The following C2orf80 variants were observed in gnomAD, a reference collection of about 807,000 sequenced individuals.
The protein encoded by C2orf80 is chromosome 2 open reading frame 80.
In C2orf80, 28 loss-of-function variants were observed where a neutral mutation model predicts 30.2. The observed-to-expected ratio is 0.93, with a 90% CI of 0.69 to 1.27. The LOEUF (loss-of-function observed/expected upper bound fraction) is 1.27. Among genes scored for constraint, C2orf80 ranks in the 50% most tolerant of loss-of-function variants. The pLI, the probability that C2orf80 is intolerant of heterozygous loss-of-function variation, is 0.00. For missense variants in C2orf80, 220 were observed against 231.0 expected (o/e 0.95, Z 0.31); for synonymous variants, 80 against 76.4 (o/e 1.05, Z -0.24).
rs1696547514 is a variant in C2orf80, at chr2:208,181,227, T to C, written c.285A>G (p.Gly95=). ...REAMILSSYA[G]ILMNSIPIEE... is the part of the protein sequence containing the mutation. The stretch of plus-strand genomic sequence containing the variant: ...GTATTCTTTTCCTTACCATTAAGAT[T>C]CCAGCATAAGATGATAAAATCATAG... The change falls in exon 5 of 9, where the codon GGA becomes GGG. Residue 95 remains glycine (G), a synonymous_variant. Coordinates refer to ENST00000341287, the MANE Select transcript of C2orf80 (RefSeq NM_001099334.3). 1.9e-6 allele frequency: 3 copies of C among 1,599,206 alleles called. No homozygotes were observed. Among genetic ancestry groups the C allele is most frequent in the Non-Finnish European group, 2.6e-6 (3 of 1,166,710 alleles).
intron 6 of C2orf80, among the ~76,000 whole-genome samples, chr2:208,172,914 C>T (rs2105895578): frequency 6.6e-6 from 1 of 151,704 alleles, no homozygotes. Flanking sequence ...GTCAGGAGTT[C>T]AAGACCAGCC....
At chr2:208,180,525 C>A (rs577404124) in intron 6 of C2orf80, among the ~76,000 whole-genome samples, 3 of 151,956 alleles carry the variant, frequency 2.0e-5, no homozygotes, top group South Asian at 4.2e-4. Context: ...CCTTCTCAGC[C>A]GTACACAAGA....
Position 208,172,037 on chromosome 2 carries a change from G to A in C2orf80, c.405C>T (p.Pro135=), listed in dbSNP as rs1289948999. The change falls in exon 7 of 9, where the codon CCC becomes CCT. Residue 135 remains proline, a synonymous_variant. Transcript: ENST00000341287. ...RVSSLCLSLH[P]FAMLTAPKAA... is the part of the protein sequence containing the mutation. ...CTTTGGGTGCTGTTAACATGGCAAA[G>A]GGGTGCAAGGAGAGGCAGAGAGATG... is the stretch of plus-strand genomic sequence containing the variant. 1 of 1,613,856 alleles carries A rather than the reference G, an allele frequency of 6.2e-7. No homozygotes were observed. The highest frequency in any genetic ancestry group is 1.1e-5 in the South Asian group (1 of 91,076).
intron 6 of C2orf80, among the ~76,000 whole-genome samples, chr2:208,179,943 G>A (rs1164931865): frequency 6.6e-6 from 1 of 152,098 alleles, no homozygotes; most frequent in East Asian, 1.9e-4. Context: ...GGATTACCAG[G>A]AATTTGAGAC....
chr2:208,181,127 G>T (rs1696544463), intron 5 of C2orf80, 91 bp downstream of exon 5: 1 of 967,054 alleles, frequency 1.0e-6, no homozygotes, highest in Non-Finnish European at 1.6e-6. Context: ...TAGAAACATT[G>T]GTTGAAAAAT....
At chr2:208,167,249 C>A (rs759457278) in intron 8 of C2orf80, among the ~76,000 whole-genome samples, 1 of 151,902 alleles carries the variant, frequency 6.6e-6, no homozygotes, top group Non-Finnish European at 1.5e-5. Flanking sequence ...CCTAGCCGGG[C>A]GCGGTGGCTC....
chr2:208,180,711 A>T (rs778023188), intron 6 of C2orf80, 34 bp downstream of exon 6: 2 of 1,510,592 alleles, frequency 1.3e-6, no homozygotes, highest in Admixed American at 3.6e-5. Flanking sequence ...ATCTCTAAAA[A>T]TCCCTTCTAT....
chr2:208,179,770 T>C (rs560800875), intron 6 of C2orf80, among the ~76,000 whole-genome samples: 1 of 151,856 alleles, frequency 6.6e-6, no homozygotes, highest in South Asian at 2.1e-4. Flanking sequence ...TAGGGTTTCA[T>C]AGTAGTGGAG....
At chr2:208,170,034 A>G (rs1696045031) in intron 8 of C2orf80, among the ~76,000 whole-genome samples, 1 of 152,220 alleles carries the variant, frequency 6.6e-6, no homozygotes, top group African/African-American at 2.4e-5. Context: ...TTAAAAATGC[A>G]TGGTACAACA....
At chr2:208,176,950 T>TATGTATACAG in intron 6 of C2orf80, among the ~76,000 whole-genome samples, 6,748 of 32,378 alleles carry the variant, frequency 0.21, 1,772 homozygotes, top group African/African-American at 0.33. Flanking sequence ...TCTGTATACA[T>TATGTATACAG]ATCTGTATAC....
chr2:208,181,594 C>T (rs1235638546), intron 4 of C2orf80, among the ~76,000 whole-genome samples: 2 of 152,128 alleles, frequency 1.3e-5, no homozygotes, highest in African/African-American at 2.4e-5. Context: ...AAACCATTAT[C>T]CTTTCCCTTT....
At chr2:208,184,813 A>G in intron 3 of C2orf80, 138 bp downstream of exon 3, 1 of 593,378 alleles carries the variant, frequency 1.7e-6, no homozygotes, top group Non-Finnish European at 3.0e-6. Flanking sequence ...TCTCAGGGTG[A>G]GGGGAAGATG....
intron 3 of C2orf80, among the ~76,000 whole-genome samples, chr2:208,183,736 C>T (rs1002223059): frequency 6.6e-6 from 1 of 151,998 alleles, no homozygotes; most frequent in African/African-American, 2.4e-5. Context: ...AAGGACGGAG[C>T]GGGCGGGGAA....
chr2:208,171,845 C>T (rs1310605367), intron 7 of C2orf80, 143 bp downstream of exon 7: 1 of 780,656 alleles, frequency 1.3e-6, no homozygotes, highest in Admixed American at 1.9e-5. Context: ...AAATCAAGCC[C>T]TAAGAGCCCC....
chr2:208,190,026 A>C lies in C2orf80; in HGVS notation c.-149T>G, dbSNP rs1244441341. 1.4e-6 allele frequency: 1 copy of C among 702,620 alleles called. No individual in the cohort carries two copies. Among genetic ancestry groups the C allele is most frequent in the Non-Finnish European group, 2.6e-6 (1 of 384,866 alleles). 43.5% of individuals were successfully genotyped at this position (702,620 alleles called of 1,614,324 possible). ...GCATGCTGAAGCATCCGCGCATCTC[A>C]GACTGGTGCTCACAGACATCAGGAA... On this transcript the variant is annotated 5_prime_UTR_variant, in exon 1 of 9. Transcript: ENST00000341287.
intron 5 of C2orf80, 101 bp downstream of exon 5, chr2:208,181,117 T>TA (rs1226051450): frequency 1.1e-6 from 1 of 920,896 alleles, no homozygotes; most frequent in African/African-American, 1.7e-5. Flanking sequence ...CCTAAACATT[T>TA]AGAAACATTG....
intron 4 of C2orf80, among the ~76,000 whole-genome samples, chr2:208,182,414 C>G (rs563079370): frequency 6.6e-6 from 1 of 152,228 alleles, no homozygotes; most frequent in South Asian, 2.1e-4. Context: ...ACAGAGCATT[C>G]TTTATTTTTG....
chr2:208,179,385 T>C (rs6758150), intron 6 of C2orf80, among the ~76,000 whole-genome samples: 134,454 of 152,276 alleles, frequency 0.88, 59,497 homozygotes, highest in East Asian at 1. Flanking sequence ...AGTAAAAGAA[T>C]AAGGGAGGCA....
Position 208,172,018 on chromosome 2 carries a change from G to A in C2orf80, c.424C>T (p.Pro142Ser), listed in dbSNP as rs1696116470. 3.1e-6 allele frequency: 5 copies of A among 1,613,870 alleles called. No individual in the cohort carries two copies. The highest frequency in any genetic ancestry group is 4.2e-6 in the Non-Finnish European group (5 of 1,179,914). ...SLHPFAMLTA[P>S]KAAAYARKQS... Reference sequence around the variant, plus strand: ...TTGCGGGCGTATGCTGCTGCTTTGGGTGCTGTTAACATGGCAAAGGGGTGC... The same window carrying A: ...TTGCGGGCGTATGCTGCTGCTTTGGATGCTGTTAACATGGCAAAGGGGTGC... The change falls in exon 7 of 9, where the codon CCC (proline) becomes TCC (serine). Residue 142 changes from proline (P) to serine (S), a missense_variant. By Grantham distance (74) the Pro-to-Ser change is moderately conservative. Coordinates refer to ENST00000341287, the MANE Select transcript of C2orf80 (RefSeq NM_001099334.3).
Sources: gnomAD v4.1 joint callset for allele counts (sites outside exome capture counted in the v4.1 genomes callset) on GRCh38, gnomAD v4.1.1 for gene constraint, MANE v1.5 for transcripts, NCBI Gene and HGNC (gene_info 2026-07-23, HGNC 2026-07-21) for gene names.